The following SMCO2 variants were observed in gnomAD, a reference collection of about 807,000 sequenced individuals.
The protein encoded by SMCO2 is single-pass membrane protein with coiled-coil domains 2, also known as single-pass membrane and coiled-coil domain-containing protein 2.
Under a neutral mutation model 29.5 loss-of-function variants are expected in SMCO2, and 25 were observed. That is an observed-to-expected ratio of 0.85 (90% confidence interval 0.62 to 1.18). SMCO2 has a LOEUF of 1.18. SMCO2 is among the 50% of genes most tolerant of loss of function. The probability of loss-of-function intolerance (pLI) is 0.00; values close to 1 mark genes in which losing one functional copy is unlikely to be tolerated. For synonymous variants in SMCO2, 117 were observed against 123.3 expected (o/e 0.95, Z 0.34); for missense variants, 348 against 344.5 (o/e 1.01, Z -0.08).
chr12:27,499,087 G>C (rs1057119395), intron 7 of SMCO2, among the ~76,000 whole-genome samples: 2 of 150,640 alleles, frequency 1.3e-5, no homozygotes, highest in African/African-American at 5.0e-5. Context: ...GTCTACTCTT[G>C]GGTATATACT....
At chr12:27,444,422 G>A in the SMCO2 span, among the ~76,000 whole-genome samples, 2 of 152,270 alleles carry the variant, frequency 1.3e-5, no homozygotes, top group East Asian at 3.9e-4. Context: ...AAATACTCAA[G>A]GGCATTGGTC....
At chr12:27,462,945 C>T (rs745805166), upstream of SMCO2, among the ~76,000 whole-genome samples, 3 of 152,198 alleles carry the variant, frequency 2.0e-5, no homozygotes, top group Admixed American at 6.5e-5. Flanking sequence ...TTAAGTGTCA[C>T]GTCTCAGGAC....
At chr12:27,478,132 G>A (rs949353991) in intron 4 of SMCO2, among the ~76,000 whole-genome samples, 1 of 152,182 alleles carries the variant, frequency 6.6e-6, no homozygotes, top group Non-Finnish European at 1.5e-5. Context: ...GATTATTGGT[G>A]GGTGGGCATA....
chr12:27,494,210 T>C (rs1235722273), intron 5 of SMCO2, 90 bp from the exon 7 acceptor site: 11 of 807,048 alleles, frequency 1.4e-5, no homozygotes, highest in Non-Finnish European at 1.8e-5. Context: ...TGAAGCATTT[T>C]ATAAGGTTTG....
chr12:27,465,513 C>T (rs1457044807), upstream of SMCO2, among the ~76,000 whole-genome samples: 1 of 152,136 alleles, frequency 6.6e-6, no homozygotes, highest in Non-Finnish European at 1.5e-5. Flanking sequence ...GCAGTACAGA[C>T]CGTAAGAAAG....
intron 3 of SMCO2, chr12:27,473,093 C>T (rs1949555125): frequency 4.5e-6 from 2 of 448,034 alleles, no homozygotes; most frequent in Non-Finnish European, 8.0e-6. Flanking sequence ...ACTAGCCTTC[C>T]CATGCGAACA....
the SMCO2 span, among the ~76,000 whole-genome samples, chr12:27,448,521 T>A: frequency 6.6e-6 from 1 of 152,314 alleles, no homozygotes; most frequent in Non-Finnish European, 1.5e-5. Context: ...GAATCAATGC[T>A]TTTCTCGGCA....
At chr12:27,479,942 G>A (rs771885297) in intron 4 of SMCO2, among the ~76,000 whole-genome samples, 4 of 152,114 alleles carry the variant, frequency 2.6e-5, no homozygotes, top group Non-Finnish European at 5.9e-5. Flanking sequence ...CCCACGATAC[G>A]CTGTCTGGAA....
chr12:27,464,942 T>C (rs1399388782), upstream of SMCO2, among the ~76,000 whole-genome samples: 1 of 141,064 alleles, frequency 7.1e-6, no homozygotes, highest in South Asian at 2.2e-4. Context: ...GGCAGGAGAA[T>C]GGTGTGAACC....
In SMCO2 at chr12:27,476,392, G is replaced by T. The variant is rs139623081; in HGVS notation, c.362+1479G>T. Among the ~76,000 whole-genome samples, 3 of 152,272 alleles carry T rather than the reference G, an allele frequency of 2.0e-5. No homozygotes were observed. The East Asian group carries it at 5.8e-4, about 29-fold the overall frequency. On this transcript the variant is annotated intron_variant, in intron 4 of 7. Coordinates refer to ENST00000298876, the Ensembl canonical transcript of SMCO2. ...TTAGATCCATTTAGTCCAAAGTGCA[G>T]TTTAAATCCAATGTTCCTTTGTTAA...
chr12:27,470,879 C>G, intron 2 of SMCO2, 114 bp downstream of exon 2: 1 of 1,196,818 alleles, frequency 8.4e-7, no homozygotes, highest in Non-Finnish European at 1.1e-6. Context: ...GGTTGACAGT[C>G]TTCACTATAA....
chr12:27,448,254 T>C, the SMCO2 span, among the ~76,000 whole-genome samples: 6 of 152,172 alleles, frequency 3.9e-5, no homozygotes, highest in Non-Finnish European at 8.8e-5. Context: ...TCAAGTACCC[T>C]ACAGAGGTGT....
At chr12:27,492,283 A>T (rs886345968) in intron 5 of SMCO2, among the ~76,000 whole-genome samples, 8 of 152,058 alleles carry the variant, frequency 5.3e-5, no homozygotes, top group Admixed American at 6.6e-5. Context: ...GCAGGGCTTG[A>T]TATTTGAATT....
chr12:27,455,371 G>C, the SMCO2 span, among the ~76,000 whole-genome samples: 1 of 152,124 alleles, frequency 6.6e-6, no homozygotes, highest in East Asian at 1.9e-4. Flanking sequence ...TCTTTATAGA[G>C]AGGTGTCTTC....
intron 5 of SMCO2, among the ~76,000 whole-genome samples, chr12:27,490,010 A>G (rs1949722210): frequency 6.6e-6 from 1 of 152,348 alleles, no homozygotes; most frequent in Non-Finnish European, 1.5e-5. Context: ...AAGGCATCAC[A>G]CACATATACG....
the SMCO2 span, among the ~76,000 whole-genome samples, chr12:27,438,749 C>G: frequency 6.7e-6 from 1 of 149,426 alleles, no homozygotes; most frequent in Admixed American, 6.7e-5. Flanking sequence ...AGCAAGCTGG[C>G]TTCTCCCCCC....
the SMCO2 span, among the ~76,000 whole-genome samples, chr12:27,458,590 A>G: frequency 3.3e-5 from 5 of 152,218 alleles, no homozygotes; most frequent in African/African-American, 1.2e-4. Flanking sequence ...TTATTCTTCT[A>G]TATAAAAATT....
At chr12:27,475,759 TA>T (rs1344375074) in intron 4 of SMCO2, 28 bp downstream of exon 5, 78 of 1,445,488 alleles carry the variant, frequency 5.4e-5, no homozygotes, top group Non-Finnish European at 6.5e-5. Flanking sequence ...GGGTTGGTCA[TA>T]AAATAGCAGA....
rs1000356973 is a variant in SMCO2 at position 27,475,841 on chromosome 12, C to A, written c.362+928C>A. ...ATAAAGTCTTTAGGCCATAGGTATA[C>A]TTTCTTGGATGAAATATCTGTTTAT... On this transcript the variant is annotated intron_variant, in intron 4 of 7. Transcript: ENST00000298876. 4 of 1,064,416 alleles carry A rather than the reference C, an allele frequency of 3.8e-6. No homozygotes were observed. In the South Asian group the frequency reaches 1.1e-4, roughly 29 times the overall value. 65.9% of individuals were successfully genotyped at this position (1,064,416 alleles called of 1,614,324 possible).
Sources: gnomAD v4.1 joint callset for allele counts (sites outside exome capture counted in the v4.1 genomes callset) on GRCh38, gnomAD v4.1.1 for gene constraint, MANE v1.5 for transcripts, NCBI Gene and HGNC (gene_info 2026-07-23, HGNC 2026-07-21) for gene names.